The following MYT1L variants were observed in gnomAD, a reference collection of about 807,000 sequenced individuals.
MYT1L encodes myelin transcription factor 1-like protein.
A neutral mutation model predicts 126.7 loss-of-function variants in MYT1L; 12 were observed. That is an observed-to-expected ratio of 0.09 (90% confidence interval 0.06 to 0.15). The LOEUF (loss-of-function observed/expected upper bound fraction) is 0.15, where lower values mean the gene tolerates loss of function less well. Ranked by LOEUF, MYT1L falls within the 10% of genes least tolerant of loss-of-function variation. MYT1L has a pLI of 1.00. For missense variants in MYT1L, 979 were observed against 1,585.2 expected, an observed-to-expected ratio of 0.62 and a Z score of 6.49; for synonymous variants, 541 against 604.2, an observed-to-expected ratio of 0.90 and a Z score of 1.53.
chr2:2,270,976 G>A (rs537852068), intron 2 of MYT1L, among the ~76,000 whole-genome samples: 1 of 152,268 alleles, frequency 6.6e-6, no homozygotes, highest in African/African-American at 2.4e-5. Context: ...CTCCTTACCC[G>A]TGTCAAGGAT....
At chr2:1,978,573 C>T (rs2060355309) in intron 8 of MYT1L, among the ~76,000 whole-genome samples, 2 of 152,150 alleles carry the variant, frequency 1.3e-5, no homozygotes, top group Non-Finnish European at 2.9e-5. Context: ...TCCACCCCAT[C>T]CCTGTCGCAG....
intron 2 of MYT1L, among the ~76,000 whole-genome samples, chr2:2,282,019 G>A (rs567611205): frequency 6.6e-5 from 10 of 152,252 alleles, no homozygotes; most frequent in African/African-American, 1.9e-4. Flanking sequence ...AGTGGATCTC[G>A]AAATTCTCAG....
chr2:2,311,078 G>C (rs186911778), intron 1 of MYT1L, among the ~76,000 whole-genome samples: 8 of 152,246 alleles, frequency 5.3e-5, no homozygotes, highest in Admixed American at 5.2e-4. Context: ...CACACCCCAA[G>C]GTCTCAGCTG....
chr2:1,920,476 T>C (rs548525051), intron 10 of MYT1L, among the ~76,000 whole-genome samples: 50 of 152,214 alleles, frequency 3.3e-4, no homozygotes, highest in African/African-American at 1.1e-3. Flanking sequence ...CATCCTCAGA[T>C]TTAGGATCCG....
chr2:2,086,365 C>A (rs1416422835), intron 3 of MYT1L, among the ~76,000 whole-genome samples: 2 of 152,118 alleles, frequency 1.3e-5, no homozygotes, highest in Non-Finnish European at 2.9e-5. Flanking sequence ...TTACTTTAAA[C>A]ATTATTTTTA....
intron 8 of MYT1L, among the ~76,000 whole-genome samples, chr2:1,945,649 A>C (rs1194743084): frequency 6.6e-6 from 1 of 152,226 alleles, no homozygotes; most frequent in Admixed American, 6.5e-5. Flanking sequence ...TGGCTGCATT[A>C]AGGATGAAAT....
chr2:2,280,368 T>A (rs76593697), intron 2 of MYT1L, among the ~76,000 whole-genome samples: 19,281 of 152,250 alleles, frequency 0.13, 1,577 homozygotes, highest in Admixed American at 0.26. Context: ...GCCTTGGTAA[T>A]AGGCATTATC....
chr2:2,172,666 G>C (rs541606885), intron 3 of MYT1L, among the ~76,000 whole-genome samples: 3 of 151,526 alleles, frequency 2.0e-5, no homozygotes, highest in African/African-American at 7.3e-5. Flanking sequence ...GCTGGGCAGG[G>C]GTACCTGTAC....
chr2:1,943,081 C>T lies in MYT1L; in HGVS notation c.406G>A (p.Glu136Lys). 2.7e-6 allele frequency: 4 copies of T among 1,454,720 alleles called. No individual in the cohort carries two copies. Among genetic ancestry groups the T allele is most frequent in the East Asian group, 2.5e-5 (1 of 40,340 alleles). 90.1% of individuals were successfully genotyped at this position (1,454,720 alleles called of 1,614,324 possible). The change falls in exon 9 of 25, where the codon GAG becomes AAG. Residue 136 changes from glutamate to lysine, a missense_variant. Around this residue, in one of 12 missense-constraint regions of MYT1L, gnomAD observed 111 missense variants for 115.9 expected, o/e 0.96. Coordinates refer to ENST00000647738, the MANE Select transcript of MYT1L (RefSeq NM_001303052.2). This position sits in a 1 kb window ranked among gnomAD's most constrained non-coding sequence, Gnocchi z 4.4. ...TCGTCATCGTCCTCATCCTCCTCCT[C>T]GATCTCCTCCTCCTCCTCCCGGTCC... ...EGDREEEEEI[E>K]EEDEDDDEDG...
intron 22 of MYT1L, among the ~76,000 whole-genome samples, chr2:1,808,752 C>A (rs1288135473): frequency 6.6e-6 from 1 of 152,134 alleles, no homozygotes; most frequent in East Asian, 1.9e-4. Context: ...GGTGGAGAAA[C>A]CCTGGATGAG....
intron 3 of MYT1L, among the ~76,000 whole-genome samples, chr2:2,149,031 G>A (rs776130982): frequency 6.6e-5 from 10 of 151,946 alleles, no homozygotes; most frequent in Admixed American, 2.0e-4. Context: ...CACCAAGAGG[G>A]AAAAATCCCA....
intron 23 of MYT1L, among the ~76,000 whole-genome samples, chr2:1,794,771 G>A (rs548300987): frequency 9.2e-5 from 14 of 152,296 alleles, no homozygotes; most frequent in African/African-American, 3.1e-4. Context: ...TGGGGGTGGC[G>A]GGGCTCCCAT....
At chr2:1,935,443 T>A (rs1449502170) in intron 9 of MYT1L, among the ~76,000 whole-genome samples, 1 of 152,110 alleles carries the variant, frequency 6.6e-6, no homozygotes, top group Non-Finnish European at 1.5e-5. Flanking sequence ...GGATGTTAGG[T>A]TCAGGGTTAC....
chr2:2,281,323 C>T (rs77873549), intron 2 of MYT1L, among the ~76,000 whole-genome samples: 15,214 of 152,252 alleles, frequency 0.1, 1,074 homozygotes, highest in Admixed American at 0.24. Context: ...TATAAATCAT[C>T]GGGTATTTCT....
At chr2:1,978,012 A>G (rs189712623) in intron 8 of MYT1L, among the ~76,000 whole-genome samples, 291 of 152,334 alleles carry the variant, frequency 1.9e-3, no homozygotes, top group Middle Eastern at 6.8e-3. Flanking sequence ...ATAGCCCACA[A>G]TTCCTTTGAT....
intron 3 of MYT1L, among the ~76,000 whole-genome samples, chr2:2,062,872 A>G (rs1195347361): frequency 1.3e-5 from 2 of 151,968 alleles, no homozygotes; most frequent in African/African-American, 4.8e-5. Flanking sequence ...GGGGGTGTGT[A>G]GATCTGTTTT....
chr2:1,971,742 CAAAACAAAAGAA>C (rs1558586643), intron 8 of MYT1L, among the ~76,000 whole-genome samples: 1 of 152,074 alleles, frequency 6.6e-6, no homozygotes, highest in Non-Finnish European at 1.5e-5. Context: ...AAAAACTAAA[CAAAACAAAAGAA>C]AAAACAAAAG....
At chr2:2,125,089 T>G (rs1437056299) in intron 3 of MYT1L, among the ~76,000 whole-genome samples, 1 of 152,184 alleles carries the variant, frequency 6.6e-6, no homozygotes, top group South Asian at 2.1e-4. Context: ...AAATATCACA[T>G]AAAAATCTCA....
chr2:1,924,909 A>G (rs925432099), intron 9 of MYT1L, among the ~76,000 whole-genome samples: 2 of 152,204 alleles, frequency 1.3e-5, no homozygotes, highest in South Asian at 2.1e-4. Flanking sequence ...TAGGACTTGA[A>G]GTCAATCCCA....
Sources: allele counts gnomAD v4.1 joint callset (sites outside exome capture counted in the v4.1 genomes callset), GRCh38; gene constraint gnomAD v4.1.1; regional missense constraint gnomAD v4.1.1; non-coding constraint Gnocchi (gnomAD v3.1); transcripts MANE v1.5; gene names NCBI Gene and HGNC (gene_info 2026-07-23, HGNC 2026-07-21).